ANKS1B: variants seen among roughly 807,000 people sequenced by gnomAD.
ANKS1B encodes ankyrin repeat and sterile alpha motif domain-containing protein 1B.
A neutral mutation model predicts 148.3 loss-of-function variants in ANKS1B; 36 were observed. The ratio of observed to expected loss-of-function variants is 0.24; its 90% CI spans 0.19 to 0.32. The LOEUF (loss-of-function observed/expected upper bound fraction) is 0.32, where lower values mean the gene tolerates loss of function less well. Ranked by LOEUF, ANKS1B falls within the 10% of genes least tolerant of loss-of-function variation. ANKS1B has a pLI of 1.00. For synonymous variants in ANKS1B, 542 were observed against 560.8 expected, an observed-to-expected ratio of 0.97 and a Z score of 0.47; for missense variants, 1,157 against 1,542.6, an observed-to-expected ratio of 0.75 and a Z score of 4.19.
rs1247783419 is a variant in ANKS1B at position 99,438,315 on chromosome 12, T to G, written c.1575+5358A>C. ...AGTGTAAACATTTATCAGAATTCTGTCTTTGGTACTATCTCTCTTCATCAT... is the reference window on the plus strand; with the variant it reads ...AGTGTAAACATTTATCAGAATTCTGGCTTTGGTACTATCTCTCTTCATCAT... On this transcript the variant is annotated intron_variant, in intron 11 of 26. Transcript: ENST00000683438. Among the ~76,000 whole-genome samples the G allele has an allele frequency of 2.0e-5, 3 of 151,872 alleles. No individual in the cohort carries two copies. In the East Asian group the frequency reaches 5.8e-4, roughly 29 times the overall value.
Position 99,595,984 on chromosome 12 carries a change from G to T in ANKS1B, c.1272+59083C>A, listed in dbSNP as rs191075442. 5.2e-4 allele frequency among the ~76,000 whole-genome samples: 79 copies of T among 152,012 alleles called. 1 individual carries two copies. The East Asian group carries it at 0.012, about 23-fold the overall frequency. Reference sequence around the variant, plus strand: ...TAGATGCATGGCATCTGTGAAATATGAGATGCTGGGCTCCACAGCTAGCTA... The same window carrying T: ...TAGATGCATGGCATCTGTGAAATATTAGATGCTGGGCTCCACAGCTAGCTA... On this transcript the variant is annotated intron_variant, in intron 9 of 26. Transcript: ENST00000683438.
rs1566971278 is a variant in ANKS1B at position 99,369,783 on chromosome 12, TA to T, written c.1756+29847del. Among the ~76,000 whole-genome samples the T allele has an allele frequency of 3.0e-3, 433 of 145,632 alleles. 1 individual carries two copies. Among genetic ancestry groups the T allele is most frequent in the African/African-American group, 6.3e-3 (241 of 38,042 alleles). The stretch of plus-strand genomic sequence containing the variant: ...ATAGATAGATAGATAGATAGATAGA[TA>T]GATAGATGGACGGACGGACAGACGG... On this transcript the variant is annotated intron_variant, in intron 12 of 26. Transcript: ENST00000683438.
intron 14 of ANKS1B, among the ~76,000 whole-genome samples, chr12:99,192,971 A>C (rs1324964117): frequency 6.6e-6 from 1 of 152,202 alleles, no homozygotes; most frequent in Non-Finnish European, 1.5e-5. Flanking sequence ...TTAATACCAA[A>C]GTTACTGAAG....
chr12:99,753,472 T>C (rs1043871202), intron 8 of ANKS1B, among the ~76,000 whole-genome samples: 1 of 152,124 alleles, frequency 6.6e-6, no homozygotes, highest in Non-Finnish European at 1.5e-5. Context: ...GATAATTTAG[T>C]TAAAATAAGG....
intron 11 of ANKS1B, among the ~76,000 whole-genome samples, chr12:99,439,140 T>G (rs1426541215): frequency 6.6e-6 from 1 of 151,620 alleles, no homozygotes; most frequent in Middle Eastern, 3.2e-3. Flanking sequence ...AAAAATTAAA[T>G]CTTGACCCCC....
At chr12:98,964,984 A>G (rs987142558) in intron 17 of ANKS1B, among the ~76,000 whole-genome samples, 4 of 152,240 alleles carry the variant, frequency 2.6e-5, no homozygotes, top group Non-Finnish European at 4.4e-5. Flanking sequence ...AACACAAAGA[A>G]AGGATAAATA....
intron 9 of ANKS1B, among the ~76,000 whole-genome samples, chr12:99,544,784 C>G (rs2097157754): frequency 6.6e-6 from 1 of 152,166 alleles, no homozygotes; most frequent in Non-Finnish European, 1.5e-5. Flanking sequence ...CCCAACAACC[C>G]TCCAGCACCT....
chr12:98,965,701 T>C (rs930317044), intron 17 of ANKS1B, among the ~76,000 whole-genome samples: 4 of 152,122 alleles, frequency 2.6e-5, no homozygotes, highest in African/African-American at 7.2e-5. Flanking sequence ...AAAACAGAGA[T>C]AGAGACCAAT....
In ANKS1B at chr12:99,354,449, G is replaced by A. The variant is rs116975813; in HGVS notation, c.1756+45182C>T. On this transcript the variant is annotated intron_variant, in intron 12 of 26. Coordinates refer to ENST00000683438, the MANE Select transcript of ANKS1B (RefSeq NM_001352186.2). The stretch of plus-strand genomic sequence containing the variant: ...CTCTGTCTTTTTGTTTGTACGTGAT[G>A]TTGTACTTACCTGAACCTCACTATT... Among the ~76,000 whole-genome samples the A allele has an allele frequency of 7.4e-3, 1,122 of 152,032 alleles. 12 individuals are homozygous for A. Among genetic ancestry groups the A allele is most frequent in the South Asian group, 0.03 (143 of 4,810 alleles).
intron 9 of ANKS1B, among the ~76,000 whole-genome samples, chr12:99,634,742 C>G (rs2098215439): frequency 6.6e-6 from 1 of 152,066 alleles, no homozygotes; most frequent in East Asian, 1.9e-4. Flanking sequence ...ACACTAAAAG[C>G]ACAAGCAACA....
intron 18 of ANKS1B, 23 bp downstream of exon 18, chr12:98,832,006 A>C (rs2099321030): frequency 6.4e-7 from 1 of 1,552,558 alleles, no homozygotes; most frequent in Non-Finnish European, 8.8e-7. Context: ...GCAGAGAACC[A>C]GATGAATGTG....
At chr12:99,028,336 T>A (rs566865313) in intron 17 of ANKS1B, among the ~76,000 whole-genome samples, 37 of 152,238 alleles carry the variant, frequency 2.4e-4, no homozygotes, top group Non-Finnish European at 5.0e-4. Flanking sequence ...AATTCAAGCA[T>A]TGTTTTTGCT....
intron 14 of ANKS1B, among the ~76,000 whole-genome samples, chr12:99,220,443 GCATTT>G (rs1171412789): frequency 4.1e-4 from 60 of 145,194 alleles, no homozygotes; most frequent in African/African-American, 1.4e-3. Context: ...AATAAAAGTA[GCATTT>G]CTTTTTTTTT....
At chr12:99,273,321 A>G (rs1423631672) in intron 12 of ANKS1B, among the ~76,000 whole-genome samples, 1 of 152,144 alleles carries the variant, frequency 6.6e-6, no homozygotes, top group Non-Finnish European at 1.5e-5. Context: ...GGATGCTTCC[A>G]CCAGAATAAT....
At chr12:99,855,546 C>T (rs1339261915) in intron 1 of ANKS1B, among the ~76,000 whole-genome samples, 3 of 152,072 alleles carry the variant, frequency 2.0e-5, no homozygotes, top group South Asian at 4.1e-4. Flanking sequence ...TTAAACTATA[C>T]CCTAAAACAA....
At chr12:99,699,494 C>T (rs765695003) in intron 8 of ANKS1B, among the ~76,000 whole-genome samples, 3 of 152,050 alleles carry the variant, frequency 2.0e-5, no homozygotes, top group Non-Finnish European at 4.4e-5. Context: ...TAAGAAATAC[C>T]AACAATAATA....
intron 14 of ANKS1B, among the ~76,000 whole-genome samples, chr12:99,237,029 G>T (rs2088113136): frequency 6.6e-6 from 1 of 151,956 alleles, no homozygotes; most frequent in East Asian, 1.9e-4. Context: ...GAAATAATCT[G>T]GACAACAAAC....
intron 8 of ANKS1B, among the ~76,000 whole-genome samples, chr12:99,695,039 G>T (rs1439941684): frequency 5.3e-5 from 8 of 151,960 alleles, no homozygotes; most frequent in Non-Finnish European, 1.2e-4. Context: ...CAAACTGTTT[G>T]CTTTCAAACT....
chr12:99,068,792 AGT>A (rs1347461418), intron 16 of ANKS1B, among the ~76,000 whole-genome samples: 1 of 151,906 alleles, frequency 6.6e-6, no homozygotes, highest in Non-Finnish European at 1.5e-5. Flanking sequence ...TCCTAGTCCT[AGT>A]CCTAGCAGGC....
Sources: gnomAD v4.1 joint callset for allele counts (sites outside exome capture counted in the v4.1 genomes callset) on GRCh38, gnomAD v4.1.1 for gene constraint, MANE v1.5 for transcripts, NCBI Gene and HGNC (gene_info 2026-07-23, HGNC 2026-07-21) for gene names.